The following IRS1 variants were observed in gnomAD, a reference collection of about 807,000 sequenced individuals.
The protein encoded by IRS1 is insulin receptor substrate 1.
A neutral mutation model predicts 65.6 loss-of-function variants in IRS1; 34 were observed. The ratio of observed to expected loss-of-function variants is 0.52; its 90% CI spans 0.39 to 0.69. IRS1 has a LOEUF of 0.69. Ranked by LOEUF, IRS1 falls within the 30% of genes least tolerant of loss-of-function variation. The pLI is 0.00. For missense variants in IRS1, 1,641 were observed against 1,720.2 expected (o/e 0.95, Z 0.81); for synonymous variants, 699 against 683.5 (o/e 1.02, Z -0.35).
chr2:226,750,009 G>A (rs1043639245), intron 1 of IRS1, among the ~76,000 whole-genome samples: 19 of 152,120 alleles, frequency 1.2e-4, no homozygotes, highest in Admixed American at 1.1e-3. Flanking sequence ...CAGCATTTTG[G>A]GAGGCCGAGG....
intron 1 of IRS1, among the ~76,000 whole-genome samples, chr2:226,786,638 TA>T (rs773586859): frequency 6.8e-4 from 79 of 116,360 alleles, no homozygotes; most frequent in South Asian, 4.3e-3. Flanking sequence ...CTCTCTACCT[TA>T]AAAAAAAAAA....
rs1306489968 is a variant in IRS1 at position 226,732,598 on chromosome 2, C to G, written c.*3674G>C. 1.3e-5 allele frequency: 2 copies of G among 148,378 alleles called. No individual in the cohort carries two copies. The highest frequency in any genetic ancestry group is 5.0e-5 in the African/African-American group (2 of 40,150). The allele number at this position is 148,378 out of a possible 1,614,324, so 9.2% of individuals were successfully genotyped here. A position where few individuals can be genotyped will look rare whatever the true frequency, so the allele number is the denominator to read the frequency against. Reference sequence around the variant, plus strand: ...TATCTATATATTTGTATATATTCATCTATATATACACACACACATCCCACA... The same window carrying G: ...TATCTATATATTTGTATATATTCATGTATATATACACACACACATCCCACA... On this transcript the variant is annotated 3_prime_UTR_variant, in exon 2 of 2. Coordinates refer to ENST00000305123, the MANE Select transcript of IRS1 (RefSeq NM_005544.3).
In IRS1 at chr2:226,799,774, G is replaced by A; in HGVS notation, c.-1036C>T. 1.0e-6 allele frequency: 1 copy of A among 996,402 alleles called. No homozygotes were observed. The highest frequency in any genetic ancestry group is 1.2e-6 in the Non-Finnish European group (1 of 829,992). 61.7% of individuals were successfully genotyped at this position (996,402 alleles called of 1,614,324 possible). On this transcript the variant is annotated 5_prime_UTR_variant, in exon 1 of 2. Coordinates refer to ENST00000305123, the MANE Select transcript of IRS1 (RefSeq NM_005544.3). The surrounding 1 kb of genome is among the most constrained non-coding windows in gnomAD (Gnocchi z 6.1). The stretch of plus-strand genomic sequence containing the variant: ...CCGCGCCGCCGTCTCACTCGGAGGA[G>A]AAAAACACGTGACGGAGCCTCCGCG...
chr2:226,779,890 C>A (rs1396317969), intron 1 of IRS1, among the ~76,000 whole-genome samples: 1 of 152,202 alleles, frequency 6.6e-6, no homozygotes, highest in African/African-American at 2.4e-5. Context: ...GTTCAGTTTT[C>A]CAGACCAAGG....
At chr2:226,767,838 G>C (rs1185003264) in intron 1 of IRS1, among the ~76,000 whole-genome samples, 1 of 152,092 alleles carries the variant, frequency 6.6e-6, no homozygotes, top group Non-Finnish European at 1.5e-5. Flanking sequence ...AAACTCAAAG[G>C]CATGAGGAGT....
In IRS1 at chr2:226,766,163, A is replaced by ATTTTTTTTTTTT. The variant is rs5839180; in HGVS notation, c.*21+28814_*21+28825dup. Among the ~76,000 whole-genome samples, 28 of 4,596 alleles carry ATTTTTTTTTTTT rather than the reference A, an allele frequency of 6.1e-3. 7 individuals carry two copies. Among genetic ancestry groups the ATTTTTTTTTTTT allele is most frequent in the Non-Finnish European group, 0.01 (21 of 2,098 alleles). 3.0% of individuals were successfully genotyped at this position (4,596 alleles called of 152,430 possible). Reference sequence around the variant, plus strand: ...TATATATATATATATATATATATATATTTTTTTTTTTTTTTTTTGAGACAG... The same window carrying ATTTTTTTTTTTT: ...TATATATATATATATATATATATATATTTTTTTTTTTTTTTTTTTTTTTTTTTTTTGAGACAG... On this transcript the variant is annotated intron_variant, in intron 1 of 1. Coordinates refer to ENST00000305123, the MANE Select transcript of IRS1 (RefSeq NM_005544.3).
At chr2:226,763,921 T>A (rs1267509464) in intron 1 of IRS1, among the ~76,000 whole-genome samples, 1 of 152,120 alleles carries the variant, frequency 6.6e-6, no homozygotes, top group Non-Finnish European at 1.5e-5. Context: ...ATGATAATCT[T>A]TGGGCCAATC....
chr2:226,784,625 G>A (rs961286714), intron 1 of IRS1, among the ~76,000 whole-genome samples: 5 of 152,140 alleles, frequency 3.3e-5, no homozygotes, highest in Non-Finnish European at 7.4e-5. Flanking sequence ...GTTTCGCCAT[G>A]ATGGCCAGGC....
chr2:226,765,690 T>C (rs191981359), intron 1 of IRS1, among the ~76,000 whole-genome samples: 21 of 152,148 alleles, frequency 1.4e-4, no homozygotes, highest in East Asian at 9.7e-4. Flanking sequence ...TTTGCAAAAA[T>C]TGGGGAGGAA....
chr2:226,748,585 T>C (rs1938606265), intron 1 of IRS1, among the ~76,000 whole-genome samples: 1 of 152,188 alleles, frequency 6.6e-6, no homozygotes, highest in Non-Finnish European at 1.5e-5. Flanking sequence ...CACTGTTTCA[T>C]AGAGGTTTTC....
At chr2:226,783,513 C>T (rs189200106) in intron 1 of IRS1, among the ~76,000 whole-genome samples, 266 of 152,198 alleles carry the variant, frequency 1.7e-3, no homozygotes, top group African/African-American at 5.9e-3. Context: ...CTGCCTGGCT[C>T]ACAGAGAAAA....
Position 226,751,214 on chromosome 2 carries a change from A to G in IRS1, c.*22-14964T>C, listed in dbSNP as rs553300973. ...GAACAATACAGATTTGGATGACTGC[A>G]AAGAGGACATTGGGGGAAAACTACA... On this transcript the variant is annotated intron_variant, in intron 1 of 1. Coordinates refer to ENST00000305123, the MANE Select transcript of IRS1 (RefSeq NM_005544.3). 2.6e-5 allele frequency among the ~76,000 whole-genome samples: 4 copies of G among 152,138 alleles called. No homozygotes were observed. The South Asian group carries it at 8.3e-4, about 32-fold the overall frequency.
intron 1 of IRS1, among the ~76,000 whole-genome samples, chr2:226,782,914 C>T (rs151183275): frequency 0.029 from 4,421 of 152,222 alleles, 122 homozygotes; most frequent in South Asian, 0.076. Context: ...GTAGGAGAAT[C>T]GCTGGAATCC....
intron 1 of IRS1, among the ~76,000 whole-genome samples, chr2:226,788,284 A>G (rs549638697): frequency 1.3e-5 from 2 of 152,188 alleles, no homozygotes; most frequent in Non-Finnish European, 2.9e-5. Flanking sequence ...AGAGTAATAA[A>G]ACCACAAAAT....
At position 226,794,673 on chromosome 2, in the gene IRS1, A is replaced by G. The variant is rs189616185; in HGVS notation, c.*21+316T>C. ...TATAGTGAAAAGAAAACTTCAACAA[A>G]CAAATCAAGCTTCTTACGGAGGAAC... On this transcript the variant is annotated intron_variant, in intron 1 of 1. Coordinates refer to ENST00000305123, the MANE Select transcript of IRS1 (RefSeq NM_005544.3). This position sits in a 1 kb window ranked among gnomAD's most constrained non-coding sequence, Gnocchi z 4.1. Among the ~76,000 whole-genome samples the G allele has an allele frequency of 1.4e-3, 217 of 152,362 alleles. 4 individuals carry two copies. Among genetic ancestry groups the G allele is most frequent in the Non-Finnish European group, 4.7e-4 (32 of 68,040 alleles).
intron 1 of IRS1, among the ~76,000 whole-genome samples, chr2:226,740,958 G>A (rs1396855069): frequency 6.6e-6 from 1 of 151,906 alleles, no homozygotes; most frequent in Non-Finnish European, 1.5e-5. Context: ...AATCAAAACA[G>A]CATATTTCTC....
intron 1 of IRS1, among the ~76,000 whole-genome samples, chr2:226,785,623 CAAAT>C (rs1418745329): frequency 1.3e-5 from 2 of 152,090 alleles, no homozygotes; most frequent in South Asian, 2.1e-4. Flanking sequence ...CAAAAATAAA[CAAAT>C]AAATAAATAA....
Position 226,799,621 on chromosome 2 carries a change from C to G in IRS1, c.-883G>C. The G allele has an allele frequency of 1.0e-6, 1 of 1,003,270 alleles. No individual in the cohort carries two copies. The allele number at this position is 1,003,270 out of a possible 1,614,324, so 62.1% of individuals were successfully genotyped here. A position where few individuals can be genotyped will look rare whatever the true frequency, so the allele number is the denominator to read the frequency against. On this transcript the variant is annotated 5_prime_UTR_variant, in exon 1 of 2. Coordinates refer to ENST00000305123, the MANE Select transcript of IRS1 (RefSeq NM_005544.3). The surrounding 1 kb of genome is among the most constrained non-coding windows in gnomAD (Gnocchi z 6.1). Reference sequence around the variant, plus strand: ...GAAGGGTTCGGGGAAGACGCCTGTTCCTCGGGAGGCGCTGCCGCTGCAGTT... The same window carrying G: ...GAAGGGTTCGGGGAAGACGCCTGTTGCTCGGGAGGCGCTGCCGCTGCAGTT...
chr2:226,782,113 G>C lies in IRS1; in HGVS notation c.*21+12876C>G, dbSNP rs571432957. On this transcript the variant is annotated intron_variant, in intron 1 of 1. Coordinates refer to ENST00000305123, the MANE Select transcript of IRS1 (RefSeq NM_005544.3). Reference sequence around the variant, plus strand: ...TGGTTCAAAGAGTATGCTGGAATTGGGAAGGGGGGCAGAGGGAGCTAGTAA... The same window carrying C: ...TGGTTCAAAGAGTATGCTGGAATTGCGAAGGGGGGCAGAGGGAGCTAGTAA... 2.1e-4 allele frequency among the ~76,000 whole-genome samples: 32 copies of C among 152,178 alleles called. 1 individual carries two copies. Among genetic ancestry groups the C allele is most frequent in the African/African-American group, 7.5e-4 (31 of 41,520 alleles).
Sources: allele counts gnomAD v4.1 joint callset (sites outside exome capture counted in the v4.1 genomes callset), GRCh38; gene constraint gnomAD v4.1.1; non-coding constraint Gnocchi (gnomAD v3.1); transcripts MANE v1.5; gene names NCBI Gene and HGNC (gene_info 2026-07-23, HGNC 2026-07-21).